The following ESR1 variants were observed in gnomAD, a reference collection of about 807,000 sequenced individuals.
ESR1 encodes the protein estrogen receptor.
Under a neutral mutation model 52.7 loss-of-function variants are expected in ESR1, and 12 were observed. That is an observed-to-expected ratio of 0.23 (90% CI 0.15 to 0.37). The LOEUF (loss-of-function observed/expected upper bound fraction) is 0.37. ESR1 is among the 10% of genes least tolerant of loss of function. The pLI is 1.00. For missense variants in ESR1, 584 were observed against 779.7 expected (o/e 0.75, Z 2.99); for synonymous variants, 305 against 316.8 (o/e 0.96, Z 0.39).
chr6:151,688,943 G>C (rs943221646), upstream of ESR1, among the ~76,000 whole-genome samples: 4 of 151,998 alleles, frequency 2.6e-5, no homozygotes, highest in African/African-American at 9.7e-5. Flanking sequence ...AGCACATATT[G>C]GAATGCAAAC....
At chr6:151,853,736 A>T (rs1394356506) in intron 2 of ESR1, among the ~76,000 whole-genome samples, 1 of 152,090 alleles carries the variant, frequency 6.6e-6, no homozygotes, top group Non-Finnish European at 1.5e-5. Flanking sequence ...CACTTCAAGC[A>T]TTTTTCTTCA....
chr6:151,811,753 T>C (rs1259760474), intron 1 of ESR1, among the ~76,000 whole-genome samples: 2 of 152,208 alleles, frequency 1.3e-5, no homozygotes, highest in Non-Finnish European at 2.9e-5. Flanking sequence ...AAATTGTTAC[T>C]GATTACGTGA....
intron 2 of ESR1, among the ~76,000 whole-genome samples, chr6:151,872,915 G>A (rs1031149045): frequency 6.6e-6 from 1 of 152,166 alleles, no homozygotes; most frequent in African/African-American, 2.4e-5. Context: ...ATAAGTCAAA[G>A]TATTGCCCAA....
At chr6:151,802,698 G>A (rs1777380964), upstream of ESR1, among the ~76,000 whole-genome samples, 3 of 152,178 alleles carry the variant, frequency 2.0e-5, no homozygotes, top group African/African-American at 4.8e-5. Context: ...AGCAAAAACA[G>A]TTTTGAAAGA....
At chr6:151,954,883 C>T (rs953086619) in intron 4 of ESR1, among the ~76,000 whole-genome samples, 2 of 152,160 alleles carry the variant, frequency 1.3e-5, no homozygotes, top group African/African-American at 4.8e-5. Context: ...AATATGTTGT[C>T]TCTTCCCAAG....
intron 2 of ESR1, among the ~76,000 whole-genome samples, chr6:151,727,454 G>A (rs377166359): frequency 1.3e-5 from 2 of 152,036 alleles, no homozygotes; most frequent in Admixed American, 6.5e-5. Context: ...TGCCTGTCTC[G>A]GCCTCCCAAA....
chr6:151,965,080 A>C (rs1278066600), intron 4 of ESR1, among the ~76,000 whole-genome samples: 1 of 152,226 alleles, frequency 6.6e-6, no homozygotes, highest in Non-Finnish European at 1.5e-5. Flanking sequence ...ATTGTTAAAC[A>C]GTTTTGTGAA....
intron 5 of ESR1, among the ~76,000 whole-genome samples, chr6:152,012,184 A>C (rs566058266): frequency 1.7e-4 from 26 of 151,942 alleles, no homozygotes; most frequent in Non-Finnish European, 3.7e-4. Context: ...TCCATACCAC[A>C]ATAGCCTATT....
chr6:151,741,960 C>G (rs1253012117), intron 2 of ESR1, among the ~76,000 whole-genome samples: 1 of 152,130 alleles, frequency 6.6e-6, no homozygotes, highest in Non-Finnish European at 1.5e-5. Flanking sequence ...TCCCCATAAC[C>G]ACTGTGTTAT....
rs780574537 is a variant in ESR1 at position 152,122,615 on chromosome 6, C to T, written c.851-2651C>T. 20 of 1,614,024 alleles carry T rather than the reference C, an allele frequency of 1.2e-5. 1 individual carries two copies. The highest frequency in any genetic ancestry group is 6.6e-5 in the South Asian group (6 of 91,090). On this transcript the variant is annotated intron_variant, in intron 6 of 6. Coordinates refer to the ESR1 transcript ENST00000427531. ...GCTCGGAGGACTCTGAACAGGAAGC[C>T]GCGGCCGGACCGACCTGGCCCTGGC... is the stretch of plus-strand genomic sequence containing the variant.
At position 152,069,824 on chromosome 6, in the gene ESR1, C is replaced by T. The variant is rs1028862448; in HGVS notation, c.1369+8700C>T. 5.8e-5 allele frequency among the ~76,000 whole-genome samples: 8 copies of T among 137,514 alleles called. 2 individuals carry two copies. The highest frequency in any genetic ancestry group is 9.0e-5 in the Non-Finnish European group (6 of 66,772). 90.2% of individuals were successfully genotyped at this position (137,514 alleles called of 152,430 possible). ...GTGTGGCTCAGTTCCTGACAGATTA[C>T]GGACTGGTACCAGTTTGCAACCCAG... On this transcript the variant is annotated intron_variant, in intron 6 of 7. Coordinates refer to ENST00000206249, the MANE Select transcript of ESR1 (RefSeq NM_000125.4).
intron 6 of ESR1, chr6:152,125,148 C>G: frequency 1.0e-5 from 12 of 1,201,906 alleles, no homozygotes; most frequent in Non-Finnish European, 1.3e-5. Flanking sequence ...AAGGAAGAGG[C>G]CTAGCAGGGA....
chr6:152,100,675 C>G lies in ESR1; in HGVS notation c.*1709C>G. The G allele has an allele frequency of 4.4e-6, 1 of 228,298 alleles. No individual in the cohort carries two copies. Among genetic ancestry groups the G allele is most frequent in the Non-Finnish European group, 8.7e-6 (1 of 115,438 alleles). The allele number at this position is 228,298 out of a possible 1,614,324, so 14.1% of individuals were successfully genotyped here. A position where few individuals can be genotyped will look rare whatever the true frequency, so the allele number is the denominator to read the frequency against. On this transcript the variant is annotated 3_prime_UTR_variant, in exon 8 of 8. Coordinates refer to ENST00000206249, the MANE Select transcript of ESR1 (RefSeq NM_000125.4). ...TAGCCAATGACCCAGGTGAGCTGCT[C>G]GGGCTTCTCTTGGTATGTCTTGTTT... is the stretch of plus-strand genomic sequence containing the variant.
rs71556238 is a variant in ESR1 at position 151,991,440 on chromosome 6, G to GA, written c.1097-20205dup. 2.0e-3 allele frequency among the ~76,000 whole-genome samples: 293 copies of GA among 145,280 alleles called. 1 individual carries two copies. Among genetic ancestry groups the GA allele is most frequent in the Non-Finnish European group, 2.0e-3 (132 of 65,822 alleles). On this transcript the variant is annotated intron_variant, in intron 4 of 7. Transcript: ENST00000206249. ...AATCTCACCTGCTAAGTGCTACAAG[G>GA]AAAAAAAAAAATACATTTTGAGCCC...
chr6:151,785,412 C>T (rs937182196), intron 2 of ESR1, among the ~76,000 whole-genome samples: 2 of 152,206 alleles, frequency 1.3e-5, no homozygotes, highest in African/African-American at 4.8e-5. Context: ...GGAGCCCATA[C>T]TTTGAGAACC....
At chr6:152,021,125 T>C (rs2043610570) in intron 5 of ESR1, among the ~76,000 whole-genome samples, 1 of 152,112 alleles carries the variant, frequency 6.6e-6, no homozygotes. Context: ...AGATTAATAT[T>C]TGAGTCAGTG....
chr6:152,015,928 G>A (rs552262202), intron 5 of ESR1, among the ~76,000 whole-genome samples: 1 of 152,156 alleles, frequency 6.6e-6, no homozygotes, highest in Admixed American at 6.5e-5. Flanking sequence ...TCTCTCTACA[G>A]GTTAAAAATA....
In ESR1 at chr6:152,099,869, C is replaced by T. The variant is rs112836743; in HGVS notation, c.*903C>T. ...GGGCACTGTACTTGGATCTTCCCGG[C>T]GTGTGTGTGCCTTACACAGGGGTGA... is the stretch of plus-strand genomic sequence containing the variant. On this transcript the variant is annotated 3_prime_UTR_variant, in exon 8 of 8. Coordinates refer to ENST00000206249, the MANE Select transcript of ESR1 (RefSeq NM_000125.4). The T allele has an allele frequency of 8.3e-5, 33 of 396,882 alleles. No individual in the cohort carries two copies. Among genetic ancestry groups the T allele is most frequent in the Admixed American group, 1.8e-4 (4 of 22,694 alleles). The allele number at this position is 396,882 out of a possible 1,614,324, so 24.6% of individuals were successfully genotyped here.
At position 152,032,629 on chromosome 6, in the gene ESR1, C is replaced by T. The variant is rs550963636; in HGVS notation, c.1235+20835C>T. On this transcript the variant is annotated intron_variant, in intron 5 of 7. Transcript: ENST00000206249. Reference sequence around the variant, plus strand: ...AGGAGAACTACAAACCACTGCTCAACAAAATAAAAGAAGATACAAACAAAT... The same window carrying T: ...AGGAGAACTACAAACCACTGCTCAATAAAATAAAAGAAGATACAAACAAAT... 4.5e-4 allele frequency among the ~76,000 whole-genome samples: 68 copies of T among 152,064 alleles called. 2 individuals are homozygous for T. The highest frequency in any genetic ancestry group is 1.0e-3 in the African/African-American group (43 of 41,478).
Sources: gnomAD v4.1 joint callset for allele counts (sites outside exome capture counted in the v4.1 genomes callset) on GRCh38, gnomAD v4.1.1 for gene constraint, MANE v1.5 for transcripts, NCBI Gene and HGNC (gene_info 2026-07-23, HGNC 2026-07-21) for gene names.